EIF2B3: variants seen among roughly 807,000 people sequenced by gnomAD.
The protein encoded by EIF2B3 is eukaryotic translation initiation factor 2B subunit gamma.
In EIF2B3, 20 loss-of-function variants were observed where a neutral mutation model predicts 54.1. The observed-to-expected ratio is 0.37, with a 90% CI of 0.26 to 0.54. The LOEUF (loss-of-function observed/expected upper bound fraction) is 0.54. EIF2B3 is among the 20% of genes least tolerant of loss of function. The pLI, the probability that EIF2B3 is intolerant of heterozygous loss-of-function variation, is 0.86. For missense variants in EIF2B3, 448 were observed against 547.8 expected (o/e 0.82, Z 1.82); for synonymous variants, 153 against 188.1 (o/e 0.81, Z 1.52).
intron 9 of EIF2B3, 150 bp downstream of exon 9, chr1:44,875,468 G>A (rs1025292767): frequency 2.5e-5 from 19 of 767,586 alleles, no homozygotes; most frequent in African/African-American, 3.4e-5. Flanking sequence ...AGGCAGTCTT[G>A]TTGAGTGAGA....
chr1:44,921,899 T>TTTTTA (rs982819217), intron 5 of EIF2B3, among the ~76,000 whole-genome samples: 2 of 150,782 alleles, frequency 1.3e-5, no homozygotes, highest in African/African-American at 2.4e-5. Flanking sequence ...TATATATATT[T>TTTTTA]TTTTATTTTA....
intron 1 of EIF2B3, among the ~76,000 whole-genome samples, chr1:44,984,004 G>T (rs1454126624): frequency 6.6e-6 from 1 of 150,566 alleles, no homozygotes; most frequent in Non-Finnish European, 1.5e-5. Flanking sequence ...CACTGCGCCC[G>T]GCCTCTACCA....
chr1:44,866,818 G>A (rs903711215), intron 10 of EIF2B3, among the ~76,000 whole-genome samples: 2 of 152,228 alleles, frequency 1.3e-5, no homozygotes, highest in African/African-American at 4.8e-5. Context: ...GCCTCCCAAA[G>A]TGTTGGGATT....
intron 3 of EIF2B3, among the ~76,000 whole-genome samples, chr1:44,965,078 TAAC>T (rs933524523): frequency 3.9e-5 from 6 of 152,140 alleles, no homozygotes; most frequent in Non-Finnish European, 8.8e-5. Flanking sequence ...CACCTTTACT[TAAC>T]AACACTTCTT....
intron 6 of EIF2B3, among the ~76,000 whole-genome samples, chr1:44,884,403 T>C (rs1655511790): frequency 6.6e-6 from 1 of 151,878 alleles, no homozygotes; most frequent in African/African-American, 2.4e-5. Context: ...ACCAAACAGA[T>C]GGAGTGTAGG....
chr1:44,941,792 G>T, intron 3 of EIF2B3, 127 bp from the exon 4 acceptor site: 1 of 1,104,724 alleles, frequency 9.1e-7, no homozygotes, highest in Non-Finnish European at 1.4e-6. Context: ...ATTTTTCATA[G>T]CCAAACAAGT....
At chr1:44,955,615 TC>T (rs1435842444) in intron 3 of EIF2B3, among the ~76,000 whole-genome samples, 1 of 151,836 alleles carries the variant, frequency 6.6e-6, no homozygotes, top group Admixed American at 6.6e-5. Flanking sequence ...AATCTATCCA[TC>T]TGACAAAAAG....
chr1:44,962,320 A>G (rs1166528375), intron 3 of EIF2B3, among the ~76,000 whole-genome samples: 1 of 152,134 alleles, frequency 6.6e-6, no homozygotes, highest in African/African-American at 2.4e-5. Flanking sequence ...AAACTCACAG[A>G]TGCAAATAAA....
intron 4 of EIF2B3, among the ~76,000 whole-genome samples, chr1:44,929,863 A>G (rs988267481): frequency 1.3e-5 from 2 of 152,118 alleles, no homozygotes; most frequent in Non-Finnish European, 2.9e-5. Flanking sequence ...GCTTCTTTGC[A>G]GCTATTACAG....
rs371867937 is a variant in EIF2B3, at chr1:44,881,578, T to C, written c.784+34A>G. The C allele has an allele frequency of 8.1e-6, 13 of 1,612,716 alleles. No individual in the cohort carries two copies. The African/African-American group carries it at 1.7e-4, about 21-fold the overall frequency. ...ACTCTTTCCAAAGGTGCTGCTACCC[T>C]TGCCCCTCTTACTGAACCAACCCAA... On this transcript the variant is annotated intron_variant, in intron 7 of 11. Coordinates refer to ENST00000360403, the MANE Select transcript of EIF2B3 (RefSeq NM_020365.5). This position sits in a 1 kb window ranked among gnomAD's most constrained non-coding sequence, Gnocchi z 4.0.
At chr1:44,933,339 C>T (rs962371832) in intron 4 of EIF2B3, among the ~76,000 whole-genome samples, 1 of 151,780 alleles carries the variant, frequency 6.6e-6, no homozygotes, top group African/African-American at 2.4e-5. Context: ...GGAAATTGGG[C>T]CAAATACAAG....
In EIF2B3 at chr1:44,850,718, T is replaced by C. The variant is rs1214478732; in HGVS notation, c.*233A>G. ...TTGGCACACAAGAGTTAGGCCACTGTATCTGTCCTGTCCCACACACTTGCT... is the reference window on the plus strand; with the variant it reads ...TTGGCACACAAGAGTTAGGCCACTGCATCTGTCCTGTCCCACACACTTGCT... On this transcript the variant is annotated 3_prime_UTR_variant, in exon 12 of 12. Transcript: ENST00000360403. 1.5e-5 allele frequency: 9 copies of C among 581,848 alleles called. No homozygotes were observed. The highest frequency in any genetic ancestry group is 2.4e-5 in the Non-Finnish European group (8 of 326,592). 36.0% of individuals were successfully genotyped at this position (581,848 alleles called of 1,614,324 possible).
chr1:44,869,739 T>G (rs1654903688), intron 10 of EIF2B3, among the ~76,000 whole-genome samples: 1 of 151,396 alleles, frequency 6.6e-6, no homozygotes. Flanking sequence ...TATCTGGGAC[T>G]ATAGGCGCGA....
intron 3 of EIF2B3, among the ~76,000 whole-genome samples, chr1:44,951,834 C>G (rs1476074790): frequency 6.7e-6 from 1 of 150,104 alleles, no homozygotes; most frequent in East Asian, 2.0e-4. Context: ...GTCACCCAGG[C>G]TGGAGTGCAG....
At chr1:44,854,310 T>A (rs952200855) in intron 11 of EIF2B3, among the ~76,000 whole-genome samples, 1 of 151,806 alleles carries the variant, frequency 6.6e-6, no homozygotes, top group African/African-American at 2.4e-5. Context: ...TACCCAGCCA[T>A]TTTTTAGGTT....
chr1:44,909,027 G>A (rs1462446546), intron 5 of EIF2B3, among the ~76,000 whole-genome samples: 4 of 152,132 alleles, frequency 2.6e-5, no homozygotes, highest in Non-Finnish European at 5.9e-5. Flanking sequence ...TAAGATAGGA[G>A]CCATGAATTT....
intron 10 of EIF2B3, among the ~76,000 whole-genome samples, chr1:44,864,782 G>A (rs1654716340): frequency 6.6e-6 from 1 of 152,110 alleles, no homozygotes; most frequent in African/African-American, 2.4e-5. Flanking sequence ...AACCATAACT[G>A]GCTATAGGAT....
intron 3 of EIF2B3, among the ~76,000 whole-genome samples, chr1:44,947,714 T>A (rs544411063): frequency 2.5e-4 from 38 of 152,182 alleles, no homozygotes; most frequent in South Asian, 1.9e-3. Context: ...CTTCCACAAA[T>A]AATGGCTATG....
At chr1:44,973,239 T>C (rs755610614) in intron 3 of EIF2B3, among the ~76,000 whole-genome samples, 4 of 152,200 alleles carry the variant, frequency 2.6e-5, no homozygotes, top group Non-Finnish European at 4.4e-5. Context: ...AAAGAAATAT[T>C]TGTACATCCA....
Sources: allele counts gnomAD v4.1 joint callset (sites outside exome capture counted in the v4.1 genomes callset), GRCh38; gene constraint gnomAD v4.1.1; non-coding constraint Gnocchi (gnomAD v3.1); transcripts MANE v1.5; gene names NCBI Gene and HGNC (gene_info 2026-07-23, HGNC 2026-07-21).